CHRNE: variants seen among roughly 807,000 people sequenced by gnomAD.
CHRNE encodes the protein acetylcholine receptor subunit epsilon.
CHRNE carries 58 observed loss-of-function variants against 56.5 expected under a neutral mutation model. The observed-to-expected ratio is 1.03, with a 90% confidence interval of 0.83 to 1.28. The LOEUF (loss-of-function observed/expected upper bound fraction) is 1.28, where lower values mean the gene tolerates loss of function less well. CHRNE is among the 50% of genes most tolerant of loss of function. CHRNE has a pLI of 0.00. For missense variants in CHRNE, 793 were observed against 688.9 expected, an observed-to-expected ratio of 1.15 and a Z score of -1.69; for synonymous variants, 385 against 297.9, an observed-to-expected ratio of 1.29 and a Z score of -3.01.
At position 4,903,005 on chromosome 17, in the gene CHRNE, C is replaced by T. The variant is rs1393368717; in HGVS notation, c.46+13G>A. ...TGTGTGTGTCCAATTGCCCCTCTAG[C>T]CCCTGTCCGTACCGAGAAGCCCCAA... On this transcript the variant is annotated intron_variant, in intron 1 of 11. Transcript: ENST00000649488. The T allele has an allele frequency of 6.2e-7, 1 of 1,613,948 alleles. No individual in the cohort carries two copies. Among genetic ancestry groups the T allele is most frequent in the East Asian group, 2.2e-5 (1 of 44,884 alleles).
intron 8 of CHRNE, chr17:4,900,515 A>C: frequency 6.4e-7 from 1 of 1,550,864 alleles, no homozygotes; most frequent in Non-Finnish European, 8.7e-7. Context: ...CGGTGAGCTC[A>C]GGACACGGGG....
chr17:4,899,205 G>C lies in CHRNE; in HGVS notation c.1212C>G (p.Thr404=). ...VFEGQRHRQG[T]WTAAFCQSLG... is the part of the protein sequence containing the mutation. ...CAGGGCCACTGTGCTCACCCGTCCAGGTCCCCTGCCGGTGCCTCTGCCCCT... is the reference window on the plus strand; with the variant it reads ...CAGGGCCACTGTGCTCACCCGTCCACGTCCCCTGCCGGTGCCTCTGCCCCT... Residue 404 remains threonine (T), a synonymous_variant, in exon 10 of 12, where the codon ACC becomes ACG. Transcript: ENST00000649488. The C allele has an allele frequency of 6.2e-7, 1 of 1,604,914 alleles. No individual in the cohort carries two copies. The highest frequency in any genetic ancestry group is 1.1e-5 in the South Asian group (1 of 90,296).
chr17:4,901,887 C>G, intron 5 of CHRNE, 45 bp downstream of exon 5: 1 of 1,593,444 alleles, frequency 6.3e-7, no homozygotes, highest in Non-Finnish European at 8.6e-7. Flanking sequence ...CCATAAGGCC[C>G]CCCCCCAACA....
rs1422969988 is a variant in CHRNE at position 4,902,284 on chromosome 17, C to T, written c.277G>A (p.Gly93Arg). ...GGGACTCGCAGGGTTTCTATACCCCCAAAGTCGTCCTTGCTGTAGTTGAGT... is the reference window on the plus strand; with the variant it reads ...GGGACTCGCAGGGTTTCTATACCCCTAAAGTCGTCCTTGCTGTAGTTGAGT... ...YRLNYSKDDF[G>R]GIETLRVPSE... is the part of the protein sequence containing the mutation. Residue 93 changes from glycine to arginine, a missense_variant, in exon 4 of 12, where the codon GGG becomes AGG. Gly to Arg is a moderately radical substitution (Grantham distance 125). Coordinates refer to ENST00000649488, the MANE Select transcript of CHRNE (RefSeq NM_000080.4). This position sits in a 1 kb window ranked among gnomAD's most constrained non-coding sequence, Gnocchi z 4.0. 4 of 1,614,078 alleles carry T rather than the reference C, an allele frequency of 2.5e-6. No homozygotes were observed. The Admixed American group carries it at 6.7e-5, about 27-fold the overall frequency.
upstream of CHRNE, among the ~76,000 whole-genome samples, chr17:4,904,035 T>C (rs1970056447): frequency 6.6e-6 from 1 of 151,474 alleles, no homozygotes; most frequent in African/African-American, 2.4e-5. Flanking sequence ...TTTTTGTATT[T>C]TTTAGTAGAG....
chr17:4,901,870 CCCCGCCCCATAAGG>C, intron 5 of CHRNE, 48 bp downstream of exon 5: 149 of 1,374,966 alleles, frequency 1.1e-4, no homozygotes, highest in Non-Finnish European at 1.3e-4. Flanking sequence ...TCCCGGTTGG[CCCCGCCCCATAAGG>C]CCCCCCCCCA....
At position 4,900,822 on chromosome 17, in the gene CHRNE, C is replaced by G. The variant is rs759372801; in HGVS notation, c.888G>C (p.Glu296Asp). The G allele has an allele frequency of 6.2e-7, 1 of 1,614,166 alleles. No individual in the cohort carries two copies. The highest frequency in any genetic ancestry group is 1.1e-5 in the South Asian group (1 of 91,086). The change falls in exon 8 of 12, where the codon GAG becomes GAC. Residue 296 changes from glutamate to aspartate, a missense_variant. Glu to Asp is a conservative substitution (Grantham distance 45, BLOSUM62 2). Coordinates refer to ENST00000649488, the MANE Select transcript of CHRNE (RefSeq NM_000080.4). ...FLFLIAQKIP[E>D]TSLSVPLLGR... is the part of the protein sequence containing the mutation. ...CCAGGAGCGGCACGCTCAGAGAAGT[C>G]TCTGGGATTTTCTGGGCAATGAGGA... is the stretch of plus-strand genomic sequence containing the variant.
At chr17:4,900,589 C>T (rs1969948735) in intron 8 of CHRNE, 2 of 1,544,454 alleles carry the variant, frequency 1.3e-6, no homozygotes, top group Non-Finnish European at 8.8e-7. Context: ...CCCAAGAGAG[C>T]TACTCGGGAG....
upstream of CHRNE, among the ~76,000 whole-genome samples, chr17:4,904,826 G>C (rs1045315893): frequency 6.6e-6 from 1 of 152,164 alleles, no homozygotes; most frequent in Non-Finnish European, 1.5e-5. Context: ...TCAAATAACA[G>C]AGTGTCCTCC....
chr17:4,900,186 G>A (rs1567637767), intron 8 of CHRNE: 1 of 1,544,212 alleles, frequency 6.5e-7, no homozygotes, highest in Non-Finnish European at 8.7e-7. Context: ...CGATCGGGTA[G>A]CGGGAACAAG....
At position 4,899,006 on chromosome 17, in the gene CHRNE, C is replaced by T. The variant is rs375221757; in HGVS notation, c.1321G>A (p.Gly441Ser). Residue 441 changes from glycine to serine, a missense_variant, in exon 11 of 12, where the codon GGC becomes AGC. Gly to Ser is a moderately conservative substitution (Grantham distance 56). Coordinates refer to ENST00000649488, the MANE Select transcript of CHRNE (RefSeq NM_000080.4). ...GCCTCTGGCTCCTGTCCCACCTCGC[C>T]GGTGGCCTCCTGATCTCTCGTGCTC... ...AESTRDQEAT[G>S]EEVSDWVRMG... 70 of 1,597,996 alleles carry T rather than the reference C, an allele frequency of 4.4e-5. No homozygotes were observed. In the African/African-American group the frequency reaches 7.5e-4, roughly 17 times the overall value.
Position 4,902,535 on chromosome 17 carries a change from G to A in CHRNE, c.190-41C>T. The A allele has an allele frequency of 1.2e-6, 2 of 1,614,088 alleles. No homozygotes were observed. The highest frequency in any genetic ancestry group is 1.7e-6 in the Non-Finnish European group (2 of 1,179,974). On this transcript the variant is annotated intron_variant, in intron 2 of 11. Coordinates refer to ENST00000649488, the MANE Select transcript of CHRNE (RefSeq NM_000080.4). This position sits in a 1 kb window ranked among gnomAD's most constrained non-coding sequence, Gnocchi z 4.0. Reference sequence around the variant, plus strand: ...GGGGATGATTGAAGTGAGATTTCAGGGCCAGAAGTGAGCTTTAGGACAGAG... The same window carrying A: ...GGGGATGATTGAAGTGAGATTTCAGAGCCAGAAGTGAGCTTTAGGACAGAG...
Position 4,900,892 on chromosome 17 carries a change from C to A in CHRNE, c.818G>T (p.Cys273Phe), listed in dbSNP as rs745821689. The A allele has an allele frequency of 1.2e-6, 2 of 1,614,182 alleles. No individual in the cohort carries two copies. Among genetic ancestry groups the A allele is most frequent in the South Asian group, 2.2e-5 (2 of 91,092 alleles). The change falls in exon 8 of 12, where the codon TGC becomes TTC. Residue 273 changes from cysteine to phenylalanine, a missense_variant. By Grantham distance (205) the Cys-to-Phe change is radical. Coordinates refer to ENST00000649488, the MANE Select transcript of CHRNE (RefSeq NM_000080.4). ...FLPAQAGGQK[C>F]TVSINVLLAQ... Reference sequence around the variant, plus strand: ...GAGCAGGACGTTGATGGAGACCGTGCATTTCTGGCCGCCGGCTGGAGGGAG... The same window carrying A: ...GAGCAGGACGTTGATGGAGACCGTGAATTTCTGGCCGCCGGCTGGAGGGAG...
Position 4,902,052 on chromosome 17 carries a change from T to G in CHRNE, c.380A>C (p.Asn127Thr), listed in dbSNP as rs1597621555. Residue 127 changes from asparagine to threonine, a missense_variant, in exon 5 of 12, where the codon AAC becomes ACC. Transcript: ENST00000649488. This position sits in a 1 kb window ranked among gnomAD's most constrained non-coding sequence, Gnocchi z 4.0. ...GGAGCCGCCCTCGTAGACGAGCACGTTGGCGTCGTAGGCCACTCCGAACTG... is the reference window on the plus strand; with the variant it reads ...GGAGCCGCCCTCGTAGACGAGCACGGTGGCGTCGTAGGCCACTCCGAACTG... ...DGQFGVAYDA[N>T]VLVYEGGSVT... 2 of 1,614,066 alleles carry G rather than the reference T, an allele frequency of 1.2e-6. No individual in the cohort carries two copies. Among genetic ancestry groups the G allele is most frequent in the Non-Finnish European group, 8.5e-7 (1 of 1,180,038 alleles).
At chr17:4,908,616 T>C (rs1056575081) in intron 1 of CHRNE, among the ~76,000 whole-genome samples, 1 of 152,194 alleles carries the variant, frequency 6.6e-6, no homozygotes, top group Admixed American at 6.5e-5. Context: ...CCAGGGCTGA[T>C]GGTTCGTATT....
At position 4,898,166 on chromosome 17, in the gene CHRNE, G is replaced by A. The variant is rs1295683939; in HGVS notation, c.*570C>T. The A allele has an allele frequency of 5.8e-6, 1 of 172,356 alleles. No individual in the cohort carries two copies. The highest frequency in any genetic ancestry group is 1.3e-5 in the Non-Finnish European group (1 of 78,914). The allele number at this position is 172,356 out of a possible 1,614,324, so 10.7% of individuals were successfully genotyped here. On this transcript the variant is annotated 3_prime_UTR_variant, in exon 12 of 12. Coordinates refer to ENST00000649488, the MANE Select transcript of CHRNE (RefSeq NM_000080.4). ...GGGTGGGCTGGGATCTGCAATGAGT[G>A]AGCCTCATGGGGTGGGATGGGCAGT...
intron 8 of CHRNE, 166 bp from the exon 9 acceptor site, chr17:4,899,748 C>G (rs1186901228): frequency 6.4e-7 from 1 of 1,550,652 alleles, no homozygotes; most frequent in Non-Finnish European, 8.7e-7. Flanking sequence ...TCCTGTCCTA[C>G]CACTTGTGGC....
At chr17:4,903,103 G>A (rs1189845405), upstream of CHRNE, 1 of 1,610,610 alleles carries the variant, frequency 6.2e-7, no homozygotes, top group Admixed American at 1.7e-5. Context: ...AGCTCTGGCA[G>A]GCTTGGAGGG....
chr17:4,906,798 G>T (rs555115049), upstream of CHRNE, among the ~76,000 whole-genome samples: 2 of 152,012 alleles, frequency 1.3e-5, no homozygotes, highest in East Asian at 3.9e-4. Context: ...AAAGAAAAAA[G>T]AAAAACACAG....
Sources: allele counts gnomAD v4.1 joint callset (sites outside exome capture counted in the v4.1 genomes callset), GRCh38; gene constraint gnomAD v4.1.1; non-coding constraint Gnocchi (gnomAD v3.1); transcripts MANE v1.5; gene names NCBI Gene and HGNC (gene_info 2026-07-23, HGNC 2026-07-21).